The following PGM3 variants were observed in gnomAD, a reference collection of about 807,000 sequenced individuals.
PGM3 encodes phosphoglucomutase 3, also known as phosphoacetylglucosamine mutase.
Under a neutral mutation model 66.2 loss-of-function variants are expected in PGM3, and 40 were observed. The observed-to-expected ratio is 0.60, with a 90% CI of 0.47 to 0.79. The LOEUF is 0.79. Ranked by LOEUF, PGM3 falls within the 30% of genes least tolerant of loss-of-function variation. The probability of loss-of-function intolerance (pLI) is 0.00; values close to 1 mark genes in which losing one functional copy is unlikely to be tolerated. For synonymous variants in PGM3, 191 were observed against 224.2 expected, an observed-to-expected ratio of 0.85 and a Z score of 1.32; for missense variants, 537 against 643.4, an observed-to-expected ratio of 0.83 and a Z score of 1.79.
intron 6 of PGM3, 25 bp from the exon 7 acceptor site, chr6:83,179,992 G>T: frequency 6.5e-7 from 1 of 1,548,662 alleles, no homozygotes; most frequent in Non-Finnish European, 8.8e-7. Context: ...AATTTAACAT[G>T]CATTTCAGTC....
rs1213721863 is a variant in PGM3, at chr6:83,165,719, A to G, written c.*3515T>C. ...GCAAGAGGTCAGGTGAATATGGCAGATGAGGCAAAACTTCATAGCCCAATT... is the reference window on the plus strand; with the variant it reads ...GCAAGAGGTCAGGTGAATATGGCAGGTGAGGCAAAACTTCATAGCCCAATT... On this transcript the variant is annotated 3_prime_UTR_variant, in exon 13 of 13. Coordinates refer to ENST00000513973, the MANE Select transcript of PGM3 (RefSeq NM_015599.3). The G allele has an allele frequency of 1.3e-5, 3 of 226,500 alleles. No individual in the cohort carries two copies. The highest frequency in any genetic ancestry group is 4.2e-5 in the Admixed American group (1 of 23,696). 14.0% of individuals were successfully genotyped at this position (226,500 alleles called of 1,614,324 possible).
chr6:83,160,100 A>C (rs550806976), downstream of PGM3: 1 of 829,328 alleles, frequency 1.2e-6, no homozygotes, highest in East Asian at 2.6e-5. Flanking sequence ...CTTTTGGCAC[A>C]GCAGAGTTAT....
In PGM3 at chr6:83,164,875, T is replaced by C; in HGVS notation, c.*4359A>G. 1 of 606,280 alleles carries C rather than the reference T, an allele frequency of 1.6e-6. No individual in the cohort carries two copies. The highest frequency in any genetic ancestry group is 2.9e-6 in the Non-Finnish European group (1 of 340,062). The allele number at this position is 606,280 out of a possible 1,614,324, so 37.6% of individuals were successfully genotyped here. A position where few individuals can be genotyped will look rare whatever the true frequency, so the allele number is the denominator to read the frequency against. On this transcript the variant is annotated 3_prime_UTR_variant, in exon 13 of 13. Coordinates refer to ENST00000513973, the MANE Select transcript of PGM3 (RefSeq NM_015599.3). ...TGGTGAAGTCAAAGGAGAAATCATT[T>C]GTATGGAAACATTTGACTTTATTTA...
At chr6:83,169,893 GA>G (rs1398492952) in intron 12 of PGM3, 63 of 422,206 alleles carry the variant, frequency 1.5e-4, no homozygotes, top group South Asian at 1.0e-3. Flanking sequence ...GAAATATTTT[GA>G]AAAACAAATC....
At chr6:83,163,028 TTTTGAAA>T (rs2128429457), downstream of PGM3, 1 of 1,304,104 alleles carries the variant, frequency 7.7e-7, no homozygotes, top group Non-Finnish European at 1.0e-6. Context: ...AGTTGAGCTA[TTTTGAAA>T]ACAAGTCCCC....
At chr6:83,162,841 C>T, downstream of PGM3, 2 of 1,613,556 alleles carry the variant, frequency 1.2e-6, no homozygotes, top group Non-Finnish European at 1.7e-6. Context: ...GTTTGGAAGT[C>T]AGAAGGCAGG....
intron 1 of PGM3, 41 bp downstream of exon 1, chr6:83,193,138 T>C (rs908075109): frequency 6.6e-6 from 1 of 150,840 alleles, no homozygotes; most frequent in Non-Finnish European, 1.5e-5. Context: ...TGCCGACCGG[T>C]AGTCTCCCTT....
chr6:83,191,758 G>A (rs1290043931), intron 1 of PGM3, among the ~76,000 whole-genome samples: 1 of 152,152 alleles, frequency 6.6e-6, no homozygotes, highest in Non-Finnish European at 1.5e-5. Flanking sequence ...AGAGGCCAAG[G>A]CAGGCGGATC....
Position 83,178,682 on chromosome 6 carries a change from T to G in PGM3, c.1020A>C (p.Glu340Asp), listed in dbSNP as rs200381959. 6.4e-5 allele frequency: 101 copies of G among 1,588,350 alleles called. No homozygotes were observed. The East Asian group carries it at 2.2e-3, about 34-fold the overall frequency. The change falls in exon 8 of 13, where the codon GAA becomes GAC. Residue 340 changes from glutamate to aspartate, a missense_variant. By Grantham distance (45) the Glu-to-Asp change is conservative. Transcript: ENST00000513973. Reference protein sequence around the residue: ...ANGSSTRYLEEVMKVPVYCTK... With the variant: ...ANGSSTRYLEDVMKVPVYCTK... Reference sequence around the variant, plus strand: ...AAAAATGGTTCAATACCTTCATAACTTCTTCAAGATACCGTGTTGAACTTC... The same window carrying G: ...AAAAATGGTTCAATACCTTCATAACGTCTTCAAGATACCGTGTTGAACTTC...
chr6:83,176,816 C>G (rs1334719261), intron 8 of PGM3, among the ~76,000 whole-genome samples: 4 of 152,174 alleles, frequency 2.6e-5, no homozygotes, highest in Admixed American at 2.6e-4. Flanking sequence ...GTAACAGTTT[C>G]TTAAACTAGG....
At position 83,191,214 on chromosome 6, in the gene PGM3, T is replaced by G. The variant is rs139140371; in HGVS notation, c.-2-200A>C. On this transcript the variant is annotated intron_variant, in intron 1 of 12. Transcript: ENST00000513973. Reference sequence around the variant, plus strand: ...ACAAGATGTTGTCCAACTTGGTATGTCCACTCCTGGGCAGACTCAGGGCAG... The same window carrying G: ...ACAAGATGTTGTCCAACTTGGTATGGCCACTCCTGGGCAGACTCAGGGCAG... The G allele has an allele frequency of 1.1e-5, 17 of 1,535,186 alleles. No individual in the cohort carries two copies. Among genetic ancestry groups the G allele is most frequent in the Non-Finnish European group, 1.2e-5 (14 of 1,146,520 alleles).
chr6:83,160,049 G>T, downstream of PGM3: 1 of 1,299,132 alleles, frequency 7.7e-7, no homozygotes, highest in Non-Finnish European at 1.1e-6. Flanking sequence ...AAAGTTTTTT[G>T]TGTAAGTTGA....
At chr6:83,177,480 C>T (rs952380565) in intron 8 of PGM3, among the ~76,000 whole-genome samples, 2 of 152,080 alleles carry the variant, frequency 1.3e-5, no homozygotes, top group African/African-American at 4.8e-5. Context: ...AGTTTTATTA[C>T]TGAATAAGTA....
downstream of PGM3, among the ~76,000 whole-genome samples, chr6:83,159,148 T>C (rs1783579907): frequency 6.6e-6 from 1 of 152,250 alleles, no homozygotes; most frequent in South Asian, 2.1e-4. Flanking sequence ...AGTAGATTTA[T>C]AAAAAGGATC....
Position 83,168,204 on chromosome 6 carries a change from G to T in PGM3, c.*1030C>A, listed in dbSNP as rs1267072465. On this transcript the variant is annotated 3_prime_UTR_variant, in exon 13 of 13. Coordinates refer to ENST00000513973, the MANE Select transcript of PGM3 (RefSeq NM_015599.3). ...GGTTCCATTTAGCTTACATGTAAAT[G>T]TAATTATTTAAAACACACACACTGC... 3.8e-6 allele frequency: 6 copies of T among 1,575,794 alleles called. No homozygotes were observed. The East Asian group carries it at 9.0e-5, about 24-fold the overall frequency.
chr6:83,174,109 T>G (rs1787566613), intron 10 of PGM3, among the ~76,000 whole-genome samples: 1 of 152,170 alleles, frequency 6.6e-6, no homozygotes, highest in Non-Finnish European at 1.5e-5. Context: ...ATGTATACAC[T>G]GAGTAGCTGA....
chr6:83,161,791 T>C (rs1784296859), downstream of PGM3, among the ~76,000 whole-genome samples: 1 of 152,186 alleles, frequency 6.6e-6, no homozygotes, highest in Non-Finnish European at 1.5e-5. Context: ...TTAAAATATA[T>C]ATCTTTAAGC....
intron 12 of PGM3, 67 bp downstream of exon 12, chr6:83,170,238 A>G: frequency 4.2e-6 from 6 of 1,442,028 alleles, no homozygotes; most frequent in Non-Finnish European, 5.8e-6. Context: ...TCTAAAAACC[A>G]TTAAAATAGT....
chr6:83,153,197 G>T, the PGM3 span, among the ~76,000 whole-genome samples: 148 of 152,076 alleles, frequency 9.7e-4, no homozygotes, highest in African/African-American at 3.3e-3. Context: ...CAGGGAAAAA[G>T]AATACTATAG....
Sources: gnomAD v4.1 joint callset for allele counts (sites outside exome capture counted in the v4.1 genomes callset) on GRCh38, gnomAD v4.1.1 for gene constraint, MANE v1.5 for transcripts, NCBI Gene and HGNC (gene_info 2026-07-23, HGNC 2026-07-21) for gene names.